ADGB: variants seen among roughly 807,000 people sequenced by gnomAD.
The protein encoded by ADGB is calpain-7-like protein.
A neutral mutation model predicts 210.5 loss-of-function variants in ADGB; 172 were observed. The ratio of observed to expected loss-of-function variants is 0.82; its 90% CI spans 0.72 to 0.93. ADGB has a LOEUF of 0.93. Among genes scored for constraint, ADGB ranks in the 40% least tolerant of loss-of-function variants. The pLI is 0.00. For synonymous variants in ADGB, 658 were observed against 662.7 expected (o/e 0.99, Z 0.11); for missense variants, 2,025 against 1,964.8 (o/e 1.03, Z -0.58).
intron 27 of ADGB, among the ~76,000 whole-genome samples, chr6:146,757,045 A>G (rs892273831): frequency 2.6e-5 from 4 of 152,022 alleles, no homozygotes; most frequent in Non-Finnish European, 5.9e-5. Context: ...AATGCCTGTA[A>G]TGATTTACCC....
intron 35 of ADGB, among the ~76,000 whole-genome samples, chr6:146,813,953 A>C (rs1263513685): frequency 6.6e-6 from 1 of 152,180 alleles, no homozygotes; most frequent in African/African-American, 2.4e-5. Flanking sequence ...TTTTATACTC[A>C]TTCCTCAAGG....
intron 12 of ADGB, among the ~76,000 whole-genome samples, chr6:146,700,553 A>G (rs1271603106): frequency 6.6e-6 from 1 of 152,178 alleles, no homozygotes; most frequent in Non-Finnish European, 1.5e-5. Context: ...TGTCACAGTT[A>G]TAAACTTAAG....
chr6:146,776,249 T>G (rs890144455), intron 29 of ADGB, among the ~76,000 whole-genome samples: 3 of 152,182 alleles, frequency 2.0e-5, no homozygotes, highest in African/African-American at 7.2e-5. Flanking sequence ...GTAACATGTT[T>G]CATAATTCTT....
At chr6:146,690,643 A>G (rs926107124) in intron 10 of ADGB, among the ~76,000 whole-genome samples, 1 of 152,192 alleles carries the variant, frequency 6.6e-6, no homozygotes, top group Non-Finnish European at 1.5e-5. Context: ...GTGGAGGAAC[A>G]CATTGTTAGG....
At chr6:146,717,188 C>A in intron 15 of ADGB, 119 bp downstream of exon 15, 1 of 807,788 alleles carries the variant, frequency 1.2e-6, no homozygotes, top group Non-Finnish European at 1.9e-6. Flanking sequence ...GTTATATAAC[C>A]TATTAATTCT....
chr6:146,623,468 A>G (rs149247273), intron 1 of ADGB, among the ~76,000 whole-genome samples: 93 of 151,964 alleles, frequency 6.1e-4, no homozygotes, highest in African/African-American at 2.1e-3. Context: ...TATTGGAAAT[A>G]TTATTATTGA....
chr6:146,624,068 T>G (rs1304527972), intron 1 of ADGB, among the ~76,000 whole-genome samples: 1 of 151,828 alleles, frequency 6.6e-6, no homozygotes, highest in Non-Finnish European at 1.5e-5. Context: ...TTTTGTTTTT[T>G]GGGTAATGCT....
At chr6:146,748,876 A>T (rs914389620) in intron 26 of ADGB, among the ~76,000 whole-genome samples, 1 of 152,150 alleles carries the variant, frequency 6.6e-6, no homozygotes, top group African/African-American at 2.4e-5. Context: ...CACAGTGCTC[A>T]GTCCTAAATT....
intron 3 of ADGB, among the ~76,000 whole-genome samples, chr6:146,653,033 AC>A (rs1208659310): frequency 6.6e-6 from 1 of 152,124 alleles, no homozygotes; most frequent in Non-Finnish European, 1.5e-5. Flanking sequence ...CACTTGCATT[AC>A]CACCTGAGCT....
At chr6:146,691,461 A>AAAATAT (rs1776320046) in intron 11 of ADGB, among the ~76,000 whole-genome samples, 171 bp downstream of exon 11, 1 of 18,242 alleles carries the variant, frequency 5.5e-5, no homozygotes, top group African/African-American at 4.7e-4. Context: ...TATATATAAA[A>AAAATAT]ATATATATAT....
intron 35 of ADGB, among the ~76,000 whole-genome samples, chr6:146,811,704 C>G (rs1778305481): frequency 6.6e-6 from 1 of 152,094 alleles, no homozygotes; most frequent in Non-Finnish European, 1.5e-5. Context: ...TGGACTCTCC[C>G]TCTGTCTCCC....
At chr6:146,712,330 A>T (rs1329829627) in intron 13 of ADGB, among the ~76,000 whole-genome samples, 1 of 149,342 alleles carries the variant, frequency 6.7e-6, no homozygotes, top group Non-Finnish European at 1.5e-5. Flanking sequence ...GGCTACAGGC[A>T]CTTGTCACCA....
At chr6:146,628,834 C>A (rs1781018839) in intron 1 of ADGB, among the ~76,000 whole-genome samples, 1 of 152,070 alleles carries the variant, frequency 6.6e-6, no homozygotes. Context: ...TCTCTGCACA[C>A]ATCATTTCAT....
At position 146,741,378 on chromosome 6, in the gene ADGB, G is replaced by A. The variant is rs1777161685; in HGVS notation, c.3177+107G>A. ...AGAGTTGTTTTTAATCTACTTAACA[G>A]ACAAATAAGGCCCTGATCTTTCACT... On this transcript the variant is annotated intron_variant, in intron 25 of 35. Transcript: ENST00000397944. 6.3e-6 allele frequency: 6 copies of A among 949,598 alleles called. No homozygotes were observed. The Admixed American group carries it at 1.5e-4, about 24-fold the overall frequency. 58.8% of individuals were successfully genotyped at this position (949,598 alleles called of 1,614,324 possible).
At chr6:146,720,072 G>A (rs1213512313) in intron 16 of ADGB, among the ~76,000 whole-genome samples, 1 of 151,634 alleles carries the variant, frequency 6.6e-6, no homozygotes, top group Non-Finnish European at 1.5e-5. Flanking sequence ...TTTTAATATT[G>A]TGGTAGAATA....
intron 13 of ADGB, among the ~76,000 whole-genome samples, chr6:146,707,302 T>C (rs779652125): frequency 9.2e-5 from 14 of 152,200 alleles, no homozygotes; most frequent in Non-Finnish European, 1.9e-4. Context: ...GAAGAATGTG[T>C]ATTCCACTGC....
At chr6:146,636,614 G>T (rs1775427095) in intron 2 of ADGB, among the ~76,000 whole-genome samples, 1 of 151,900 alleles carries the variant, frequency 6.6e-6, no homozygotes, top group Admixed American at 6.6e-5. Flanking sequence ...GAGTGTGAGT[G>T]TGTGGGTGTG....
In ADGB at chr6:146,795,815, C is replaced by T. The variant is rs114086433; in HGVS notation, c.4538-5368C>T. ...CATGTGAATGTTCATTGCAGCACTACTCAGAATAGCAAAGACATGGAAGCA... is the reference window on the plus strand; with the variant it reads ...CATGTGAATGTTCATTGCAGCACTATTCAGAATAGCAAAGACATGGAAGCA... On this transcript the variant is annotated intron_variant, in intron 33 of 35. Transcript: ENST00000397944. Among the ~76,000 whole-genome samples, 868 of 152,114 alleles carry T rather than the reference C, an allele frequency of 5.7e-3. 3 individuals are homozygous for T. The highest frequency in any genetic ancestry group is 0.02 in the African/African-American group (811 of 41,502).
Position 146,692,482 on chromosome 6 carries a change from C to CT in ADGB, c.1487-334dup, listed in dbSNP as rs146158823. 2.6e-5 allele frequency among the ~76,000 whole-genome samples: 4 copies of CT among 151,344 alleles called. No homozygotes were observed. The East Asian group carries it at 7.8e-4, about 29-fold the overall frequency. On this transcript the variant is annotated intron_variant, in intron 11 of 35. Transcript: ENST00000397944. ...GTGTTACAGAGGTTAACTAAGGGAA[C>CT]TTTTTTTTTAGTAAAAGACTTTTAT...
Sources: gnomAD v4.1 joint callset for allele counts (sites outside exome capture counted in the v4.1 genomes callset) on GRCh38, gnomAD v4.1.1 for gene constraint, MANE v1.5 for transcripts, NCBI Gene and HGNC (gene_info 2026-07-23, HGNC 2026-07-21) for gene names.